The following ZNF500 variants were observed in gnomAD, a reference collection of about 807,000 sequenced individuals.
The protein encoded by ZNF500 is zinc finger protein 500, also known as zinc finger protein with KRAB and SCAN domains 18.
ZNF500 carries 31 observed loss-of-function variants against 30.1 expected under a neutral mutation model. The observed-to-expected ratio is 1.03, with a 90% CI of 0.77 to 1.39. The LOEUF is 1.39. Ranked by LOEUF, ZNF500 falls within the 40% of genes most tolerant of loss-of-function variation. The pLI is 0.00. For missense variants in ZNF500, 817 were observed against 657.8 expected, an observed-to-expected ratio of 1.24 and a Z score of -2.65; for synonymous variants, 392 against 282.0, an observed-to-expected ratio of 1.39 and a Z score of -3.91.
At chr16:4,758,020 G>A (rs1018964658) in intron 5 of ZNF500, among the ~76,000 whole-genome samples, 2 of 151,004 alleles carry the variant, frequency 1.3e-5, no homozygotes, top group Non-Finnish European at 2.9e-5. Flanking sequence ...TCCTGCCTCA[G>A]CCTCCCAAGT....
At chr16:4,764,371 C>T (rs1453533415) in intron 2 of ZNF500, among the ~76,000 whole-genome samples, 1 of 151,992 alleles carries the variant, frequency 6.6e-6, no homozygotes, top group Non-Finnish European at 1.5e-5. Context: ...ACTAAAAATA[C>T]AAAAATCAGC....
rs1347235752 is a variant in ZNF500, at chr16:4,763,166, G to C, written c.415-410C>G. ...TAATTCCAGCACTTTGGGAGGCCGA[G>C]GTGGGTGGATCACCTGAGGCCAGGA... On this transcript the variant is annotated intron_variant, in intron 2 of 5. Transcript: ENST00000219478. 6.2e-6 allele frequency: 6 copies of C among 971,128 alleles called. No homozygotes were observed. The African/African-American group carries it at 1.1e-4, about 17-fold the overall frequency. 60.2% of individuals were successfully genotyped at this position (971,128 alleles called of 1,614,324 possible).
chr16:4,748,486 G>A lies in ZNF500; in HGVS notation c.*3890C>T, dbSNP rs2082047170. The A allele has an allele frequency of 6.6e-6, 1 of 152,172 alleles. No homozygotes were observed. Among genetic ancestry groups the A allele is most frequent in the African/African-American group, 2.4e-5 (1 of 41,444 alleles). 9.4% of individuals were successfully genotyped at this position (152,172 alleles called of 1,614,324 possible). On this transcript the variant is annotated 3_prime_UTR_variant, in exon 6 of 6. Transcript: ENST00000219478. The stretch of plus-strand genomic sequence containing the variant: ...TCTAGACAGAATACTGGAAACCCCT[G>A]GAAATGCTGTCCTGTGTAGAATGGA...
At chr16:4,747,698 C>A (rs1397652874), downstream of ZNF500, 2 of 1,480,778 alleles carry the variant, frequency 1.4e-6, no homozygotes, top group East Asian at 2.4e-5. Flanking sequence ...GCCCCGGTGT[C>A]CCCTTGTTGT....
downstream of ZNF500, chr16:4,746,347 T>A (rs567104655): frequency 6.7e-5 from 107 of 1,599,704 alleles, no homozygotes; most frequent in East Asian, 2.2e-3. Context: ...GAGAACTGAC[T>A]CCACAACACC....
downstream of ZNF500, chr16:4,747,020 G>C (rs1232353769): frequency 6.5e-7 from 1 of 1,531,190 alleles, no homozygotes; most frequent in African/African-American, 1.4e-5. Context: ...CCTCCCTGGG[G>C]CTACGGTAAC....
At chr16:4,753,144 G>A (rs1596495365) in intron 5 of ZNF500, 86 bp from the exon 6 acceptor site, 1 of 1,469,450 alleles carries the variant, frequency 6.8e-7, no homozygotes, top group Non-Finnish European at 8.9e-7. Flanking sequence ...GGCCTCACAG[G>A]GCTCCTAAGG....
At chr16:4,761,739 C>A (rs2082203541) in intron 4 of ZNF500, among the ~76,000 whole-genome samples, 1 of 150,126 alleles carries the variant, frequency 6.7e-6, no homozygotes, top group Admixed American at 6.6e-5. Flanking sequence ...GCCTGTAGTC[C>A]CAACTAACTG....
In ZNF500 at chr16:4,751,524, C is replaced by T. The variant is rs982008941; in HGVS notation, c.*852G>A. On this transcript the variant is annotated 3_prime_UTR_variant, in exon 6 of 6. Coordinates refer to ENST00000219478, the MANE Select transcript of ZNF500 (RefSeq NM_021646.4). The stretch of plus-strand genomic sequence containing the variant: ...AGGGGACTGGAATGCTGCAGAGCCC[C>T]GGGCTCCATTTGGAAACTCTGGCAG... 45 of 1,510,862 alleles carry T rather than the reference C, an allele frequency of 3.0e-5. 1 individual carries two copies. The highest frequency in any genetic ancestry group is 7.4e-5 in the East Asian group (3 of 40,782). 93.6% of individuals were successfully genotyped at this position (1,510,862 alleles called of 1,614,324 possible).
In ZNF500 at chr16:4,766,089, G is replaced by T. The variant is rs111789451; in HGVS notation, c.-98-13C>A. Reference sequence around the variant, plus strand: ...TTTTTTCAGGGCCCTGTGGAGAGACGATAAAACCATCTGAAGGGCAGCCCT... The same window carrying T: ...TTTTTTCAGGGCCCTGTGGAGAGACTATAAAACCATCTGAAGGGCAGCCCT... On this transcript the variant is annotated splice_polypyrimidine_tract_variant and intron_variant, in intron 1 of 5. Coordinates refer to ENST00000219478, the MANE Select transcript of ZNF500 (RefSeq NM_021646.4). 1.9e-5 allele frequency: 25 copies of T among 1,328,024 alleles called. No individual in the cohort carries two copies. The highest frequency in any genetic ancestry group is 5.0e-6 in the Non-Finnish European group (5 of 1,001,572). 82.3% of individuals were successfully genotyped at this position (1,328,024 alleles called of 1,614,324 possible). A position where few individuals can be genotyped will look rare whatever the true frequency, so the allele number is the denominator to read the frequency against.
downstream of ZNF500, chr16:4,747,043 T>C: frequency 6.6e-7 from 1 of 1,510,888 alleles, no homozygotes; most frequent in Non-Finnish European, 8.8e-7. Context: ...CCCAGGGGCC[T>C]CTCGCCACCT....
At chr16:4,747,433 C>T (rs764746497), downstream of ZNF500, 23 of 1,612,908 alleles carry the variant, frequency 1.4e-5, no homozygotes, top group Middle Eastern at 1.6e-4. Context: ...GCAAGGGGCC[C>T]GCGGGTGGGA....
chr16:4,747,302 C>T, downstream of ZNF500: 1 of 1,519,490 alleles, frequency 6.6e-7, no homozygotes, highest in Non-Finnish European at 8.8e-7. Context: ...GGAGGGGCGG[C>T]CCCCACGGGG....
chr16:4,756,821 A>T (rs940280750), intron 5 of ZNF500, among the ~76,000 whole-genome samples: 1 of 151,716 alleles, frequency 6.6e-6, no homozygotes, highest in Non-Finnish European at 1.5e-5. Context: ...CGGCCCAAAA[A>T]TTTTTTCAAA....
At chr16:4,763,156 G>C (rs1186391435) in intron 2 of ZNF500, 62 of 981,992 alleles carry the variant, frequency 6.3e-5, no homozygotes, top group Non-Finnish European at 7.4e-5. Flanking sequence ...CCAGCACTTT[G>C]GGAGGCCGAG....
chr16:4,766,199 T>C (rs1310292046), intron 1 of ZNF500, 123 bp from the exon 2 acceptor site: 3 of 468,198 alleles, frequency 6.4e-6, no homozygotes, highest in African/African-American at 2.0e-5. Flanking sequence ...GAAAAGGAAG[T>C]GGATGAATGT....
Position 4,766,026 on chromosome 16 carries a change from T to C in ZNF500, c.-48A>G, listed in dbSNP as rs1391204331. The C allele has an allele frequency of 1.3e-6, 2 of 1,507,748 alleles. No individual in the cohort carries two copies. The highest frequency in any genetic ancestry group is 2.8e-5 in the African/African-American group (2 of 71,660). The allele number at this position is 1,507,748 out of a possible 1,614,324, so 93.4% of individuals were successfully genotyped here. A position where few individuals can be genotyped will look rare whatever the true frequency, so the allele number is the denominator to read the frequency against. ...TTTTCAGGCCTTAGAGTTGAACCTG[T>C]CTCTCTCTATACCTCTGGCCAGACA... On this transcript the variant is annotated 5_prime_UTR_variant, in exon 2 of 6. Coordinates refer to ENST00000219478, the MANE Select transcript of ZNF500 (RefSeq NM_021646.4).
At chr16:4,745,203 C>G (rs1325427496), downstream of ZNF500, among the ~76,000 whole-genome samples, 1 of 152,234 alleles carries the variant, frequency 6.6e-6, no homozygotes, top group African/African-American at 2.4e-5. Context: ...GAGAGGTTGA[C>G]TCTCTCTGGC....
At chr16:4,764,247 C>T (rs953159447) in intron 2 of ZNF500, 6 of 254,262 alleles carry the variant, frequency 2.4e-5, no homozygotes, top group Middle Eastern at 1.9e-3. Flanking sequence ...ACACAGTGGC[C>T]GGGCACAGTG....
Sources: allele counts gnomAD v4.1 joint callset (sites outside exome capture counted in the v4.1 genomes callset), GRCh38; gene constraint gnomAD v4.1.1; transcripts MANE v1.5; gene names NCBI Gene and HGNC (gene_info 2026-07-23, HGNC 2026-07-21).